The following LASP1 variants were observed in gnomAD, a reference collection of about 807,000 sequenced individuals.
The protein encoded by LASP1 is LIM and SH3 domain protein 1.
A neutral mutation model predicts 38.6 loss-of-function variants in LASP1; 10 were observed. That is an observed-to-expected ratio of 0.26 (90% CI 0.16 to 0.44). The LOEUF (loss-of-function observed/expected upper bound fraction) is 0.44. Among genes scored for constraint, LASP1 ranks in the 20% least tolerant of loss-of-function variants. The pLI, the probability that LASP1 is intolerant of heterozygous loss-of-function variation, is 1.00. For missense variants in LASP1, 243 were observed against 375.7 expected (o/e 0.65, Z 2.92); for synonymous variants, 132 against 140.8 (o/e 0.94, Z 0.44).
intron 4 of LASP1, chr17:38,898,952 A>G: frequency 3.1e-5 from 11 of 358,182 alleles, no homozygotes; most frequent in South Asian, 2.3e-4. Context: ...CCTCCCCCAC[A>G]TCAGCCTGCT....
chr17:38,906,635 C>T (rs891043255), intron 4 of LASP1, among the ~76,000 whole-genome samples: 1 of 152,244 alleles, frequency 6.6e-6, no homozygotes, highest in East Asian at 1.9e-4. Flanking sequence ...TGATTCCACC[C>T]AGAGCCTGCT....
chr17:38,870,148 C>A lies in LASP1; in HGVS notation c.-42C>A. Reference sequence around the variant, plus strand: ...CCAGCTCGCCTCGGGGAACAGGACGCGCGTGAGCTCAGGCGTCCCCGCCCC... The same window carrying A: ...CCAGCTCGCCTCGGGGAACAGGACGAGCGTGAGCTCAGGCGTCCCCGCCCC... On this transcript the variant is annotated 5_prime_UTR_variant, in exon 1 of 7. Coordinates refer to ENST00000318008, the MANE Select transcript of LASP1 (RefSeq NM_006148.4). The A allele has an allele frequency of 6.2e-7, 1 of 1,609,386 alleles. No homozygotes were observed. The highest frequency in any genetic ancestry group is 8.5e-7 in the Non-Finnish European group (1 of 1,178,226).
chr17:38,903,976 A>G (rs1296941728), intron 4 of LASP1: 2 of 152,212 alleles, frequency 1.3e-5, no homozygotes, highest in African/African-American at 4.8e-5. Context: ...GTGTTCAAGT[A>G]TGGAAAACTT....
In LASP1 at chr17:38,882,261, GT is replaced by G. The variant is rs557576253; in HGVS notation, c.164+4089del. Reference sequence around the variant, plus strand: ...ACTGCTAATAGAATTCTTTTTGTTTGTTTTTTTTGAGACGGAGTCTCTGTCG... The same window carrying G: ...ACTGCTAATAGAATTCTTTTTGTTTGTTTTTTTGAGACGGAGTCTCTGTCG... On this transcript the variant is annotated intron_variant, in intron 2 of 6. Coordinates refer to ENST00000318008, the MANE Select transcript of LASP1 (RefSeq NM_006148.4). Among the ~76,000 whole-genome samples the G allele has an allele frequency of 5.4e-3, 821 of 152,096 alleles. 3 individuals carry two copies. Among genetic ancestry groups the G allele is most frequent in the Non-Finnish European group, 8.0e-3 (546 of 67,978 alleles).
chr17:38,872,889 C>T (rs1370254667), intron 1 of LASP1, among the ~76,000 whole-genome samples: 3 of 152,150 alleles, frequency 2.0e-5, no homozygotes, highest in Non-Finnish European at 4.4e-5. Flanking sequence ...ACCTGCAGTA[C>T]CCAGCATGCT....
chr17:38,901,585 C>G lies in LASP1; in HGVS notation c.357+3066C>G, dbSNP rs1431390977. ...ACTCACAGGCCTTCTCCCCTGGCTG[C>G]CAGAATCAGCGTCTCTGGGAGTGGG... On this transcript the variant is annotated intron_variant, in intron 4 of 6. Coordinates refer to ENST00000318008, the MANE Select transcript of LASP1 (RefSeq NM_006148.4). 2.6e-5 allele frequency among the ~76,000 whole-genome samples: 4 copies of G among 152,176 alleles called. No homozygotes were observed. The South Asian group carries it at 8.3e-4, about 31-fold the overall frequency.
At chr17:38,907,568 G>A (rs540098133) in intron 4 of LASP1, among the ~76,000 whole-genome samples, 29 of 152,152 alleles carry the variant, frequency 1.9e-4, no homozygotes, top group South Asian at 6.2e-4. Context: ...GAAAGTGTGC[G>A]TGTCCGGCCC....
chr17:38,909,825 G>A (rs889206704), intron 4 of LASP1, among the ~76,000 whole-genome samples: 7 of 152,040 alleles, frequency 4.6e-5, no homozygotes, highest in African/African-American at 1.4e-4. Context: ...TCAGCTCACT[G>A]CAATCTCCGT....
intron 4 of LASP1, among the ~76,000 whole-genome samples, chr17:38,911,219 C>A (rs1914931824): frequency 6.6e-6 from 1 of 152,150 alleles, no homozygotes; most frequent in South Asian, 2.1e-4. Context: ...CAGCCCAGTC[C>A]CAGGTGCTAT....
intron 5 of LASP1, among the ~76,000 whole-genome samples, chr17:38,914,771 C>A (rs1043556476): frequency 3.3e-5 from 5 of 152,160 alleles, no homozygotes; most frequent in African/African-American, 1.2e-4. Flanking sequence ...AAGTTCCATT[C>A]TCATCCAGAA....
intron 4 of LASP1, among the ~76,000 whole-genome samples, chr17:38,912,818 GT>G (rs1395942373): frequency 6.6e-6 from 1 of 152,202 alleles, no homozygotes; most frequent in East Asian, 1.9e-4. Flanking sequence ...CTCTAACTCA[GT>G]TGGCTAAGAG....
At chr17:38,879,808 A>G (rs1021528011) in intron 2 of LASP1, among the ~76,000 whole-genome samples, 12 of 152,138 alleles carry the variant, frequency 7.9e-5, no homozygotes, top group African/African-American at 2.9e-4. Flanking sequence ...GCTATAATAC[A>G]TACTAACCTG....
chr17:38,871,932 G>A (rs1001362383), intron 1 of LASP1, among the ~76,000 whole-genome samples: 9 of 152,218 alleles, frequency 5.9e-5, no homozygotes, highest in South Asian at 2.1e-4. Context: ...TGCACACTGG[G>A]GTTTCGCCCG....
chr17:38,889,659 A>G (rs984597009), intron 2 of LASP1, among the ~76,000 whole-genome samples: 2 of 152,224 alleles, frequency 1.3e-5, no homozygotes, highest in African/African-American at 2.4e-5. Context: ...TATGAGGTAT[A>G]TAGGAAATGG....
At chr17:38,897,750 A>G (rs1192810390) in intron 3 of LASP1, among the ~76,000 whole-genome samples, 2 of 152,154 alleles carry the variant, frequency 1.3e-5, no homozygotes, top group Admixed American at 6.5e-5. Context: ...GCAGGCTCCC[A>G]GAATCCGCGG....
intron 4 of LASP1, among the ~76,000 whole-genome samples, chr17:38,910,207 G>A (rs1914896173): frequency 6.6e-6 from 1 of 152,132 alleles, no homozygotes. Flanking sequence ...AGAATATTTT[G>A]GCAAACAAGG....
intron 4 of LASP1, among the ~76,000 whole-genome samples, chr17:38,902,372 C>CTTTTT (rs34801327): frequency 5.9e-5 from 5 of 84,280 alleles, no homozygotes; most frequent in East Asian, 3.0e-4. Flanking sequence ...CCCAGGGGAG[C>CTTTTT]TTTTTTTTTT....
intron 4 of LASP1, among the ~76,000 whole-genome samples, chr17:38,911,270 G>A (rs1047354806): frequency 3.3e-5 from 5 of 152,168 alleles, no homozygotes; most frequent in Admixed American, 6.5e-5. Context: ...CCAGCGTCCC[G>A]AGGATGAGGT....
At chr17:38,907,277 C>G (rs544645919) in intron 4 of LASP1, among the ~76,000 whole-genome samples, 6 of 152,274 alleles carry the variant, frequency 3.9e-5, no homozygotes, top group African/African-American at 1.4e-4. Context: ...TCCTGAGTTG[C>G]ATGCCTGGTG....
Sources: allele counts gnomAD v4.1 joint callset (sites outside exome capture counted in the v4.1 genomes callset), GRCh38; gene constraint gnomAD v4.1.1; transcripts MANE v1.5; gene names NCBI Gene and HGNC (gene_info 2026-07-23, HGNC 2026-07-21).